SLC7A1: variants seen among roughly 807,000 people sequenced by gnomAD.
The protein encoded by SLC7A1 is solute carrier family 7 member 1, also known as high affinity cationic amino acid transporter 1.
Under a neutral mutation model 53.9 loss-of-function variants are expected in SLC7A1, and 10 were observed. The observed-to-expected ratio is 0.19, with a 90% CI of 0.11 to 0.31. The LOEUF is 0.31. SLC7A1 is among the 10% of genes least tolerant of loss of function. The probability of loss-of-function intolerance (pLI) is 1.00; values close to 1 mark genes in which losing one functional copy is unlikely to be tolerated. For synonymous variants in SLC7A1, 342 were observed against 338.7 expected (o/e 1.01, Z -0.11); for missense variants, 525 against 827.2 (o/e 0.63, Z 4.48).
intron 1 of SLC7A1, among the ~76,000 whole-genome samples, chr13:29,561,137 A>C (rs1176020451): frequency 6.6e-6 from 1 of 152,184 alleles, no homozygotes; most frequent in African/African-American, 2.4e-5. Flanking sequence ...TGAGGAGTTA[A>C]TGTTCTATTA....
intron 1 of SLC7A1, among the ~76,000 whole-genome samples, chr13:29,574,530 G>A (rs935933211): frequency 6.6e-6 from 1 of 152,192 alleles, no homozygotes; most frequent in African/African-American, 2.4e-5. Flanking sequence ...TACATGAATG[G>A]AGGCTGTCTT....
intron 7 of SLC7A1, 89 bp from the exon 8 acceptor site, chr13:29,522,545 G>T: frequency 6.8e-7 from 1 of 1,459,976 alleles, no homozygotes. Flanking sequence ...TACCACGGAG[G>T]AGAGGGAGTC....
chr13:29,580,528 T>C (rs2139181723), intron 1 of SLC7A1, among the ~76,000 whole-genome samples: 1 of 152,290 alleles, frequency 6.6e-6, no homozygotes, highest in South Asian at 2.1e-4. Flanking sequence ...TCCTCCTTCA[T>C]AGGCCTTTTT....
intron 9 of SLC7A1, among the ~76,000 whole-genome samples, chr13:29,518,409 C>T (rs1220578774): frequency 1.3e-5 from 2 of 152,230 alleles, no homozygotes; most frequent in Non-Finnish European, 1.5e-5. Flanking sequence ...TATCTTCCCA[C>T]CCGAAATGAA....
At chr13:29,562,052 A>G (rs1047997783) in intron 1 of SLC7A1, among the ~76,000 whole-genome samples, 2 of 152,258 alleles carry the variant, frequency 1.3e-5, no homozygotes, top group Non-Finnish European at 2.9e-5. Flanking sequence ...ACTGTCAAGT[A>G]TCACGTTCCC....
chr13:29,574,359 T>C (rs1393451155), intron 1 of SLC7A1, among the ~76,000 whole-genome samples: 2 of 152,240 alleles, frequency 1.3e-5, no homozygotes, highest in Admixed American at 6.5e-5. Flanking sequence ...ACATTTTTTA[T>C]TAATTTTCAC....
At chr13:29,551,173 G>A (rs1028852419) in intron 2 of SLC7A1, among the ~76,000 whole-genome samples, 2 of 152,200 alleles carry the variant, frequency 1.3e-5, no homozygotes, top group African/African-American at 4.8e-5. Flanking sequence ...TGCCCTCAGA[G>A]TGCACAGTCT....
chr13:29,526,598 C>A (rs1868904082), intron 5 of SLC7A1, among the ~76,000 whole-genome samples: 1 of 152,188 alleles, frequency 6.6e-6, no homozygotes, highest in South Asian at 2.1e-4. Context: ...GGTCCTGAAA[C>A]CTCCATTTCA....
At chr13:29,527,097 G>A (rs921948273) in intron 5 of SLC7A1, among the ~76,000 whole-genome samples, 13 of 152,100 alleles carry the variant, frequency 8.5e-5, no homozygotes, top group Admixed American at 2.0e-4. Flanking sequence ...AAAATCTGCA[G>A]GGCATGCTAG....
At chr13:29,590,553 G>A (rs1019865865) in intron 1 of SLC7A1, among the ~76,000 whole-genome samples, 3 of 152,130 alleles carry the variant, frequency 2.0e-5, no homozygotes, top group African/African-American at 7.2e-5. Flanking sequence ...GAGACATCAG[G>A]ATTCCAAAGA....
At chr13:29,533,821 G>A (rs2139100468) in intron 3 of SLC7A1, among the ~76,000 whole-genome samples, 1 of 152,236 alleles carries the variant, frequency 6.6e-6, no homozygotes, top group Admixed American at 6.5e-5. Context: ...GTGTTTCTCA[G>A]GAAATGTCAC....
intron 2 of SLC7A1, among the ~76,000 whole-genome samples, chr13:29,549,483 C>T (rs1183202907): frequency 2.6e-5 from 4 of 152,256 alleles, no homozygotes; most frequent in Non-Finnish European, 5.9e-5. Context: ...TGACCACACA[C>T]TGTCACTCTG....
intron 1 of SLC7A1, among the ~76,000 whole-genome samples, chr13:29,592,591 A>AC (rs1302952356): frequency 1.3e-5 from 2 of 152,188 alleles, no homozygotes; most frequent in African/African-American, 4.8e-5. Context: ...CCCACACTGA[A>AC]CCACAGGGGT....
At chr13:29,542,101 G>A (rs747972966) in intron 2 of SLC7A1, among the ~76,000 whole-genome samples, 22 of 152,126 alleles carry the variant, frequency 1.4e-4, no homozygotes, top group African/African-American at 4.6e-4. Context: ...CAGAAGGCAT[G>A]TTCACCTACG....
At chr13:29,592,705 A>G (rs1405171559) in intron 1 of SLC7A1, among the ~76,000 whole-genome samples, 1 of 152,150 alleles carries the variant, frequency 6.6e-6, no homozygotes, top group Non-Finnish European at 1.5e-5. Flanking sequence ...CAAGGCAGAT[A>G]ATCTGCCACA....
At chr13:29,570,266 C>T (rs1871137614) in intron 1 of SLC7A1, among the ~76,000 whole-genome samples, 1 of 152,190 alleles carries the variant, frequency 6.6e-6, no homozygotes, top group Non-Finnish European at 1.5e-5. Flanking sequence ...GGTACAAAGG[C>T]CTAGCAGTTT....
Position 29,535,992 on chromosome 13 carries a change from A to G in SLC7A1, c.197T>C (p.Ile66Thr). ...CGCAGCGATCAGGAAGGAGATGACAATGGCAGGGCCTGCATTCTCACGGGC... is the reference window on the plus strand; with the variant it reads ...CGCAGCGATCAGGAAGGAGATGACAGTGGCAGGGCCTGCATTCTCACGGGC... ...AVARENAGPA[I>T]VISFLIAALA... Residue 66 changes from isoleucine (I) to threonine (T), a missense_variant, in exon 3 of 13, where the codon ATT becomes ACT. By Grantham distance (89) the Ile-to-Thr change is moderately conservative. This residue lies in a region of SLC7A1 where 354 missense variants were observed against 587.5 expected (regional missense o/e 0.60). Coordinates refer to ENST00000380752, the MANE Select transcript of SLC7A1 (RefSeq NM_003045.5). 6.2e-7 allele frequency: 1 copy of G among 1,614,136 alleles called. No homozygotes were observed.
intron 1 of SLC7A1, among the ~76,000 whole-genome samples, chr13:29,587,308 T>C (rs1162552860): frequency 2.6e-5 from 4 of 152,200 alleles, no homozygotes; most frequent in Non-Finnish European, 5.9e-5. Flanking sequence ...CCAGCTGTTA[T>C]GGCGAATGGA....
At chr13:29,562,912 C>T (rs1388006300) in intron 1 of SLC7A1, among the ~76,000 whole-genome samples, 1 of 152,156 alleles carries the variant, frequency 6.6e-6, no homozygotes, top group Admixed American at 6.5e-5. Context: ...TCATTTTGCA[C>T]CCAGGAAAAG....
Sources: allele counts gnomAD v4.1 joint callset (sites outside exome capture counted in the v4.1 genomes callset), GRCh38; gene constraint gnomAD v4.1.1; regional missense constraint gnomAD v4.1.1; transcripts MANE v1.5; gene names NCBI Gene and HGNC (gene_info 2026-07-23, HGNC 2026-07-21).